The following FRY variants were observed in gnomAD, a reference collection of about 807,000 sequenced individuals.
The protein encoded by FRY is FRY microtubule binding protein, also known as protein furry homolog.
In FRY, 128 loss-of-function variants were observed where a neutral mutation model predicts 348.4. The ratio of observed to expected loss-of-function variants is 0.37; its 90% confidence interval spans 0.32 to 0.43. FRY has a LOEUF of 0.43. Ranked by LOEUF, FRY falls within the 20% of genes least tolerant of loss-of-function variation. The pLI is 1.00. For missense variants in FRY, 2,736 were observed against 3,695.2 expected (o/e 0.74, Z 6.73); for synonymous variants, 1,370 against 1,374.7 (o/e 1.00, Z 0.08).
At chr13:32,043,542 C>T (rs1197551310) in intron 1 of FRY, among the ~76,000 whole-genome samples, 1 of 152,166 alleles carries the variant, frequency 6.6e-6, no homozygotes, top group Non-Finnish European at 1.5e-5. Context: ...AGCTAGGATT[C>T]CAACCTAGAC....
intron 1 of FRY, 47 bp from the exon 2 acceptor site, chr13:32,078,787 T>C (rs1186400406): frequency 7.5e-7 from 1 of 1,328,558 alleles, no homozygotes; most frequent in African/African-American, 1.4e-5. Context: ...ATCTGAATAT[T>C]TATGACATTA....
At chr13:32,096,122 CTCTT>C (rs1566068103) in intron 2 of FRY, among the ~76,000 whole-genome samples, 1 of 149,374 alleles carries the variant, frequency 6.7e-6, no homozygotes, top group Non-Finnish European at 1.5e-5. Flanking sequence ...ATCTTTTGTT[CTCTT>C]TATTTTTTAG....
In FRY at chr13:32,208,911, C is replaced by T. The variant is rs146669548; in HGVS notation, c.4077C>T (p.Tyr1359=). Reference sequence around the variant, plus strand: ...ACGGGCGCCAGATCATGCTTACCTACCTGCTGCCCTGGCTGCACAACATCG... The same window carrying T: ...ACGGGCGCCAGATCATGCTTACCTATCTGCTGCCCTGGCTGCACAACATCG... ...HPNGRQIMLT[Y]LLPWLHNIEL... is the part of the protein sequence containing the mutation. Residue 1359 remains tyrosine, a synonymous_variant, in exon 32 of 61, where the codon TAC becomes TAT. Transcript: ENST00000542859. 4.4e-3 allele frequency: 7,029 copies of T among 1,614,190 alleles called. 20 individuals carry two copies. Among genetic ancestry groups the T allele is most frequent in the Admixed American group, 6.0e-3 (360 of 60,030 alleles).
intron 1 of FRY, among the ~76,000 whole-genome samples, chr13:32,059,625 G>T (rs1426437717): frequency 7.9e-5 from 12 of 151,934 alleles, no homozygotes; most frequent in African/African-American, 2.9e-4. Flanking sequence ...TGGGCTTCCA[G>T]TGTACCCATC....
At chr13:32,226,008 A>T in intron 39 of FRY, 34 bp downstream of exon 39, 1 of 1,594,610 alleles carries the variant, frequency 6.3e-7, no homozygotes, top group Non-Finnish European at 8.6e-7. Flanking sequence ...AGCCTAGGAC[A>T]GTTACAAATG....
chr13:32,111,795 A>C (rs1877983380), intron 3 of FRY, among the ~76,000 whole-genome samples: 1 of 152,082 alleles, frequency 6.6e-6, no homozygotes, highest in Non-Finnish European at 1.5e-5. Flanking sequence ...ATCCTGAGTT[A>C]ATTGGTTTTA....
Position 32,130,452 on chromosome 13 carries a change from TTGTGTGTG to T in FRY, c.717-1190_717-1183del, listed in dbSNP as rs58000380. Among the ~76,000 whole-genome samples, 142 of 141,988 alleles carry T rather than the reference TTGTGTGTG, an allele frequency of 1.0e-3. 1 individual carries two copies. Among genetic ancestry groups the T allele is most frequent in the African/African-American group, 3.5e-3 (131 of 37,768 alleles). The allele number at this position is 141,988 out of a possible 152,430, so 93.1% of individuals were successfully genotyped here. A position where few individuals can be genotyped will look rare whatever the true frequency, so the allele number is the denominator to read the frequency against. ...TTAGACTGTTTTCTTTGGAAAGTGT[TTGTGTGTG>T]TGTGTGTGTGTGTGTGTGTGTGTGT... On this transcript the variant is annotated intron_variant, in intron 7 of 60. Transcript: ENST00000542859.
At chr13:32,193,299 A>G (rs1304893711) in intron 28 of FRY, among the ~76,000 whole-genome samples, 1 of 151,890 alleles carries the variant, frequency 6.6e-6, no homozygotes, top group African/African-American at 2.4e-5. Flanking sequence ...ACCAATCCTC[A>G]TAATCATATT....
chr13:32,281,573 C>A (rs1888807233), intron 58 of FRY, among the ~76,000 whole-genome samples: 1 of 152,138 alleles, frequency 6.6e-6, no homozygotes, highest in Non-Finnish European at 1.5e-5. Flanking sequence ...TTTGCAAAAA[C>A]CAACCAAGCT....
intron 39 of FRY, among the ~76,000 whole-genome samples, chr13:32,227,094 A>AT (rs776504446): frequency 6.6e-6 from 1 of 152,204 alleles, no homozygotes; most frequent in Non-Finnish European, 1.5e-5. Context: ...CATTTATTAT[A>AT]CCACTGATAT....
At chr13:32,295,122 C>G in intron 60 of FRY, 80 bp from the exon 61 acceptor site, 1 of 1,256,382 alleles carries the variant, frequency 8.0e-7, no homozygotes, top group African/African-American at 1.5e-5. Flanking sequence ...AAGTAATACT[C>G]TTATATTAAT....
chr13:32,189,559 A>C (rs1883211958), intron 28 of FRY, among the ~76,000 whole-genome samples: 1 of 152,060 alleles, frequency 6.6e-6, no homozygotes, highest in Non-Finnish European at 1.5e-5. Context: ...GGTAGTGATC[A>C]CTAAACCAAA....
At chr13:32,120,064 G>A (rs1054203367) in intron 4 of FRY, among the ~76,000 whole-genome samples, 3 of 151,868 alleles carry the variant, frequency 2.0e-5, no homozygotes, top group African/African-American at 7.3e-5. Flanking sequence ...AAATAGTCTT[G>A]ATTTATTTTG....
In FRY at chr13:32,278,530, AG is replaced by A; in HGVS notation, c.8455del (p.Asp2819ThrfsTer44). ...SRDGVITCQP[G>X]DSEEKQLELC... is the part of the protein sequence containing the mutation. ...GAGATGGAGTAATTACCTGTCAACC[AG>A]GGGACTCCGAAGAAAAGGTAATAAA... On this transcript the variant is annotated frameshift_variant, in exon 58 of 61. Coordinates refer to ENST00000542859, the MANE Select transcript of FRY (RefSeq NM_023037.3). LOFTEE classifies it high-confidence loss of function. 7 of 1,574,360 alleles carry A rather than the reference AG, an allele frequency of 4.4e-6. No individual in the cohort carries two copies. Among genetic ancestry groups the A allele is most frequent in the South Asian group, 1.1e-5 (1 of 90,268 alleles).
At chr13:32,151,355 G>T (rs563054321) in intron 14 of FRY, among the ~76,000 whole-genome samples, 1 of 152,084 alleles carries the variant, frequency 6.6e-6, no homozygotes, top group Admixed American at 6.6e-5. Flanking sequence ...TCCATTTCTC[G>T]TGATCTTGTA....
chr13:32,252,999 C>A (rs1232675829), intron 50 of FRY, among the ~76,000 whole-genome samples: 1 of 152,170 alleles, frequency 6.6e-6, no homozygotes, highest in Non-Finnish European at 1.5e-5. Context: ...GCAGCACTGC[C>A]AACAAGGCCT....
chr13:32,188,314 T>A lies in FRY; in HGVS notation c.3591+658T>A, dbSNP rs115401877. On this transcript the variant is annotated intron_variant, in intron 28 of 60. Coordinates refer to ENST00000542859, the MANE Select transcript of FRY (RefSeq NM_023037.3). Reference sequence around the variant, plus strand: ...ACTTAACCATGTCAATGCCACGTTCTCTACATTATTACCTGAAGAAAATTC... The same window carrying A: ...ACTTAACCATGTCAATGCCACGTTCACTACATTATTACCTGAAGAAAATTC... Among the ~76,000 whole-genome samples, 1,227 of 152,244 alleles carry A rather than the reference T, an allele frequency of 8.1e-3. 17 individuals carry two copies. The highest frequency in any genetic ancestry group is 0.028 in the African/African-American group (1,175 of 41,562).
intron 28 of FRY, among the ~76,000 whole-genome samples, chr13:32,190,468 C>T (rs1458550690): frequency 6.6e-6 from 1 of 152,004 alleles, no homozygotes; most frequent in Non-Finnish European, 1.5e-5. Context: ...GCCTGGTTGC[C>T]ATATGAAAGG....
intron 36 of FRY, among the ~76,000 whole-genome samples, chr13:32,222,012 G>T (rs1009179360): frequency 6.6e-6 from 1 of 152,146 alleles, no homozygotes; most frequent in Non-Finnish European, 1.5e-5. Flanking sequence ...TGGGTGGAGG[G>T]GGAGGGACTA....
Sources: allele counts gnomAD v4.1 joint callset (sites outside exome capture counted in the v4.1 genomes callset), GRCh38; gene constraint gnomAD v4.1.1; transcripts MANE v1.5; gene names NCBI Gene and HGNC (gene_info 2026-07-23, HGNC 2026-07-21).